The following TMEM101 variants were observed in gnomAD, a reference collection of about 807,000 sequenced individuals.
TMEM101 encodes the protein transmembrane protein 101.
A neutral mutation model predicts 26.0 loss-of-function variants in TMEM101; 14 were observed. That is an observed-to-expected ratio of 0.54 (90% CI 0.36 to 0.84). The LOEUF (loss-of-function observed/expected upper bound fraction) is 0.84. Among genes scored for constraint, TMEM101 ranks in the 40% least tolerant of loss-of-function variants. The pLI, the probability that TMEM101 is intolerant of heterozygous loss-of-function variation, is 0.01. For synonymous variants in TMEM101, 152 were observed against 145.1 expected (o/e 1.05, Z -0.34); for missense variants, 292 against 345.1 (o/e 0.85, Z 1.22).
rs775398702 is a variant in TMEM101 at position 44,013,163 on chromosome 17, G to A, written c.319-8C>T. ...GCGCGAGTACATACGGACCTAGGCC[G>A]GGGTAAGGGGACCCCAGTCAAGAAC... On this transcript the variant is annotated splice_polypyrimidine_tract_variant and splice_region_variant and intron_variant, in intron 2 of 3. Coordinates refer to ENST00000206380, the MANE Select transcript of TMEM101 (RefSeq NM_032376.4). 50 of 1,540,050 alleles carry A rather than the reference G, an allele frequency of 3.2e-5. No individual in the cohort carries two copies. The Middle Eastern group carries it at 9.0e-4, about 28-fold the overall frequency.
intron 2 of TMEM101, among the ~76,000 whole-genome samples, chr17:44,021,065 C>T (rs550988225): frequency 7.2e-5 from 11 of 152,308 alleles, no homozygotes; most frequent in African/African-American, 2.6e-4. Context: ...GGTCAGCAGT[C>T]TTAGGGGCAG....
intron 2 of TMEM101, 30 bp downstream of exon 2, chr17:44,014,327 G>C (rs1325610515): frequency 6.5e-7 from 1 of 1,539,702 alleles, no homozygotes; most frequent in South Asian, 1.2e-5. Flanking sequence ...TCACCCAGAG[G>C]GAAGACCCTT....
intron 2 of TMEM101, 28 bp from the exon 3 acceptor site, chr17:44,013,183 A>G (rs1172913297): frequency 6.7e-7 from 1 of 1,503,284 alleles, no homozygotes; most frequent in Non-Finnish European, 9.0e-7. Context: ...GACCCCAGTC[A>G]AGAACTGCAG....
chr17:44,012,848 C>G, intron 3 of TMEM101, 161 bp downstream of exon 3: 3 of 711,310 alleles, frequency 4.2e-6, no homozygotes. Flanking sequence ...TTGGAGGGCC[C>G]CTGAGGCCTA....
At chr17:44,018,841 T>C (rs77034317), upstream of TMEM101, among the ~76,000 whole-genome samples, 7,158 of 152,284 alleles carry the variant, frequency 0.047, 249 homozygotes, top group Non-Finnish European at 0.065. Flanking sequence ...TTCTCAGGGC[T>C]GAAGTCCCTC....
intron 2 of TMEM101, among the ~76,000 whole-genome samples, chr17:44,020,068 T>C (rs2049272233): frequency 6.6e-6 from 1 of 152,178 alleles, no homozygotes; most frequent in African/African-American, 2.4e-5. Flanking sequence ...ATGTTTGAAT[T>C]TGTTGCTGAA....
At chr17:44,014,138 C>T (rs561694688) in intron 2 of TMEM101, among the ~76,000 whole-genome samples, 2 of 152,324 alleles carry the variant, frequency 1.3e-5, no homozygotes, top group East Asian at 3.9e-4. Flanking sequence ...TGTTTCCCAT[C>T]TCTAGACCTC....
At chr17:44,017,764 C>CAA (rs57754322), upstream of TMEM101, among the ~76,000 whole-genome samples, 260 of 125,986 alleles carry the variant, frequency 2.1e-3, 1 homozygote, top group South Asian at 4.3e-3. Flanking sequence ...ACTCTTGTCT[C>CAA]AAAAAAAAAA....
chr17:44,021,048 G>A (rs562486627), intron 2 of TMEM101, among the ~76,000 whole-genome samples: 6 of 152,286 alleles, frequency 3.9e-5, no homozygotes, highest in African/African-American at 1.4e-4. Flanking sequence ...TGCTCCAATA[G>A]CTACAAGGTC....
In TMEM101 at chr17:44,011,916, T is replaced by C. The variant is rs748317469; in HGVS notation, c.*12A>G. Reference sequence around the variant, plus strand: ...GGCTCCCTGTGCCCATCTCAGCCTCTTGCCATAAAACTCAGCCATCAGTGG... The same window carrying C: ...GGCTCCCTGTGCCCATCTCAGCCTCCTGCCATAAAACTCAGCCATCAGTGG... On this transcript the variant is annotated 3_prime_UTR_variant, in exon 4 of 4. Coordinates refer to ENST00000206380, the MANE Select transcript of TMEM101 (RefSeq NM_032376.4). 3.8e-6 allele frequency: 6 copies of C among 1,594,662 alleles called. No individual in the cohort carries two copies. The highest frequency in any genetic ancestry group is 1.3e-5 in the African/African-American group (1 of 74,762).
chr17:44,022,576 G>A (rs756875837), intron 1 of TMEM101, among the ~76,000 whole-genome samples: 8 of 152,270 alleles, frequency 5.3e-5, no homozygotes, highest in Non-Finnish European at 7.3e-5. Context: ...CACCATCCAC[G>A]CAGGGAAATT....
In TMEM101 at chr17:44,014,533, G is replaced by T; in HGVS notation, c.142C>A (p.Pro48Thr). Reference protein sequence around the residue: ...YAERAEARRKPDIPVPYLYFD... With the variant: ...YAERAEARRKTDIPVPYLYFD... The stretch of plus-strand genomic sequence containing the variant: ...TACAGGTAAGGCACTGGGATGTCGG[G>T]CTTCCTGCGAGCCGGGAGTGGGGAA... Residue 48 changes from proline (P) to threonine (T), a missense_variant, in exon 2 of 4, where the codon CCC becomes ACC. This residue lies in a region of TMEM101 where 143 missense variants were observed against 133.2 expected (regional missense o/e 1.07). Transcript: ENST00000206380. 1 of 1,567,946 alleles carries T rather than the reference G, an allele frequency of 6.4e-7. No individual in the cohort carries two copies.
In TMEM101 at chr17:44,013,173, G is replaced by T. The variant is rs762800255; in HGVS notation, c.319-18C>A. 5.3e-6 allele frequency: 8 copies of T among 1,521,506 alleles called. No individual in the cohort carries two copies. The highest frequency in any genetic ancestry group is 7.1e-6 in the Non-Finnish European group (8 of 1,121,760). 94.3% of individuals were successfully genotyped at this position (1,521,506 alleles called of 1,614,324 possible). A position where few individuals can be genotyped will look rare whatever the true frequency, so the allele number is the denominator to read the frequency against. On this transcript the variant is annotated intron_variant, in intron 2 of 3. Transcript: ENST00000206380. ...ATACGGACCTAGGCCGGGGTAAGGG[G>T]ACCCCAGTCAAGAACTGCAGCCGCC...
At chr17:44,014,679 G>C in intron 1 of TMEM101, 137 bp downstream of exon 1, 2 of 1,496,466 alleles carry the variant, frequency 1.3e-6, no homozygotes, top group South Asian at 2.6e-5. Flanking sequence ...TACCAGATTT[G>C]GTCCGACACC....
In TMEM101 at chr17:44,011,989, T is replaced by C. The variant is rs762663874; in HGVS notation, c.713A>G (p.Lys238Arg). ...GATGCCCACACTCTCTCCAAGGAGC[T>C]TCATCTGGTTCCAGAACTCAACACG... ...TRRVEFWNQM[K>R]LLGESVGIFG... The change falls in exon 4 of 4, where the codon AAG becomes AGG. Residue 238 changes from lysine to arginine, a missense_variant. By Grantham distance (26) the Lys-to-Arg change is conservative. This residue lies in a region of TMEM101 where 149 missense variants were observed against 211.9 expected (regional missense o/e 0.70). Coordinates refer to ENST00000206380, the MANE Select transcript of TMEM101 (RefSeq NM_032376.4). 7 of 1,614,116 alleles carry C rather than the reference T, an allele frequency of 4.3e-6. No individual in the cohort carries two copies. The highest frequency in any genetic ancestry group is 1.3e-5 in the African/African-American group (1 of 75,024).
intron 2 of TMEM101, among the ~76,000 whole-genome samples, chr17:44,020,189 G>T (rs188948089): frequency 1.1e-3 from 173 of 152,274 alleles, no homozygotes; most frequent in African/African-American, 3.8e-3. Flanking sequence ...ACTGGGGAGA[G>T]AAATATTATC....
upstream of TMEM101, among the ~76,000 whole-genome samples, chr17:44,016,217 G>A (rs1048573557): frequency 1.3e-5 from 2 of 151,794 alleles, no homozygotes; most frequent in East Asian, 3.9e-4. Context: ...GTGTCACCCA[G>A]GCTGGAGTGC....
chr17:44,015,390 TTTTTTG>T (rs1019640830), upstream of TMEM101, among the ~76,000 whole-genome samples: 3 of 151,952 alleles, frequency 2.0e-5, no homozygotes, highest in Non-Finnish European at 2.9e-5. Flanking sequence ...TTTTTCTTTT[TTTTTTG>T]TTTTGTTTTG....
At chr17:44,013,191 C>G in intron 2 of TMEM101, 36 bp from the exon 3 acceptor site, 1 of 1,479,802 alleles carries the variant, frequency 6.8e-7, no homozygotes, top group Non-Finnish European at 9.1e-7. Context: ...TCAAGAACTG[C>G]AGCCGCCACA....
Sources: allele counts gnomAD v4.1 joint callset (sites outside exome capture counted in the v4.1 genomes callset), GRCh38; gene constraint gnomAD v4.1.1; regional missense constraint gnomAD v4.1.1; transcripts MANE v1.5; gene names NCBI Gene and HGNC (gene_info 2026-07-23, HGNC 2026-07-21).